GRM7: variants seen among roughly 807,000 people sequenced by gnomAD.
The protein encoded by GRM7 is glutamate metabotropic receptor 7, also known as metabotropic glutamate receptor 7.
GRM7 carries 35 observed loss-of-function variants against 84.5 expected under a neutral mutation model. That is an observed-to-expected ratio of 0.41 (90% CI 0.32 to 0.55). GRM7 has a LOEUF of 0.55. Among genes scored for constraint, GRM7 ranks in the 20% least tolerant of loss-of-function variants. GRM7 has a pLI of 0.19. For missense variants in GRM7, 1,003 were observed against 1,194.6 expected (o/e 0.84, Z 2.36); for synonymous variants, 487 against 455.1 (o/e 1.07, Z -0.89).
intron 8 of GRM7, among the ~76,000 whole-genome samples, chr3:7,661,736 G>T (rs1699454869): frequency 7.5e-6 from 1 of 133,608 alleles, no homozygotes; most frequent in Non-Finnish European, 1.6e-5. Flanking sequence ...AGAGCTGGCA[G>T]TGAGCCGAGA....
chr3:7,180,702 CCT>C (rs1418876398), intron 2 of GRM7, among the ~76,000 whole-genome samples: 1 of 152,104 alleles, frequency 6.6e-6, no homozygotes, highest in Non-Finnish European at 1.5e-5. Context: ...TTACATCTTT[CCT>C]CTCTCTTAAG....
chr3:7,372,361 T>C (rs1281593344), intron 4 of GRM7, among the ~76,000 whole-genome samples: 2 of 152,154 alleles, frequency 1.3e-5, no homozygotes, highest in Non-Finnish European at 2.9e-5. Context: ...TTGTGTACAA[T>C]CTTATAACAC....
chr3:7,379,796 C>G (rs1374333570), intron 4 of GRM7, among the ~76,000 whole-genome samples: 1 of 152,090 alleles, frequency 6.6e-6, no homozygotes, highest in East Asian at 1.9e-4. Context: ...TACATCCTTG[C>G]TTGGCTCCTT....
At chr3:7,022,766 G>T (rs1040469585) in intron 1 of GRM7, among the ~76,000 whole-genome samples, 1 of 152,058 alleles carries the variant, frequency 6.6e-6, no homozygotes, top group African/African-American at 2.4e-5. Flanking sequence ...AACAGGGGTC[G>T]TCTTTGTCCC....
chr3:6,938,648 A>G (rs1244454747), intron 1 of GRM7, among the ~76,000 whole-genome samples: 1 of 152,218 alleles, frequency 6.6e-6, no homozygotes, highest in South Asian at 2.1e-4. Flanking sequence ...GGAGGTGAGG[A>G]GAGGGACGTG....
At chr3:7,441,268 G>T (rs1697275419) in intron 5 of GRM7, among the ~76,000 whole-genome samples, 2 of 151,862 alleles carry the variant, frequency 1.3e-5, no homozygotes, top group East Asian at 1.9e-4. Context: ...CATGTGTTTT[G>T]GTCATGAATA....
At chr3:7,019,932 A>G (rs962522056) in intron 1 of GRM7, among the ~76,000 whole-genome samples, 1 of 152,214 alleles carries the variant, frequency 6.6e-6, no homozygotes, top group African/African-American at 2.4e-5. Context: ...ACCGGAAAAG[A>G]TTTTGTTTCT....
intron 1 of GRM7, among the ~76,000 whole-genome samples, chr3:7,122,699 A>T (rs1294770459): frequency 6.6e-6 from 1 of 152,242 alleles, no homozygotes; most frequent in Non-Finnish European, 1.5e-5. Context: ...TTCAGTGCTA[A>T]CATTTTAAAT....
chr3:7,029,733 A>G (rs1417931343), intron 1 of GRM7, among the ~76,000 whole-genome samples: 1 of 152,196 alleles, frequency 6.6e-6, no homozygotes, highest in East Asian at 1.9e-4. Flanking sequence ...GTTATTTTTA[A>G]TGAGCACAGC....
chr3:7,535,137 A>G (rs957494346), intron 7 of GRM7: 1 of 152,186 alleles, frequency 6.6e-6, no homozygotes, highest in African/African-American at 2.4e-5. Flanking sequence ...TTTCCCAAAT[A>G]TTCTCTGCAT....
At chr3:7,104,079 G>A (rs933471185) in intron 1 of GRM7, among the ~76,000 whole-genome samples, 2 of 151,334 alleles carry the variant, frequency 1.3e-5, no homozygotes, top group African/African-American at 4.9e-5. Context: ...TCTAAATGAG[G>A]TCATGAGGGT....
chr3:6,893,087 A>T (rs1298915070), intron 1 of GRM7: 3 of 152,100 alleles, frequency 2.0e-5, no homozygotes, highest in Non-Finnish European at 4.4e-5. Flanking sequence ...CCATTTTTTA[A>T]TCTCCACTAT....
chr3:6,881,494 T>C (rs978322470), intron 1 of GRM7, among the ~76,000 whole-genome samples: 1 of 152,220 alleles, frequency 6.6e-6, no homozygotes, highest in Non-Finnish European at 1.5e-5. Context: ...GGCTGCATAA[T>C]ATTCCATGGT....
intron 9 of GRM7, among the ~76,000 whole-genome samples, chr3:7,735,233 T>G (rs1040300649): frequency 6.6e-6 from 1 of 152,166 alleles, no homozygotes; most frequent in Admixed American, 6.5e-5. Context: ...AAAGTTAGTT[T>G]GGACAAAGTT....
rs543207253 is a variant in GRM7, at chr3:7,151,640, C to A, written c.736+4972C>A. Reference sequence around the variant, plus strand: ...AAGATAATTCCTAGTACATAGAAAGCAGTCAATCATTATTTCTTAACAGAA... The same window carrying A: ...AAGATAATTCCTAGTACATAGAAAGAAGTCAATCATTATTTCTTAACAGAA... On this transcript the variant is annotated intron_variant, in intron 2 of 9. Coordinates refer to ENST00000357716, the MANE Select transcript of GRM7 (RefSeq NM_000844.4). The surrounding 1 kb of genome is among the most constrained non-coding windows in gnomAD (Gnocchi z 4.5). 1.5e-4 allele frequency among the ~76,000 whole-genome samples: 23 copies of A among 152,092 alleles called. No homozygotes were observed. Among genetic ancestry groups the A allele is most frequent in the Non-Finnish European group, 2.6e-4 (18 of 68,016 alleles).
intron 4 of GRM7, among the ~76,000 whole-genome samples, chr3:7,408,038 C>G (rs1396674883): frequency 6.6e-6 from 1 of 152,112 alleles, no homozygotes; most frequent in Admixed American, 6.6e-5. Context: ...ATATTATCAT[C>G]GTCCCCATTT....
chr3:7,002,319 A>G (rs933722383), intron 1 of GRM7, among the ~76,000 whole-genome samples: 3 of 152,206 alleles, frequency 2.0e-5, no homozygotes, highest in African/African-American at 7.2e-5. Flanking sequence ...TTCCTCTACT[A>G]AAAAACAGGA....
chr3:7,400,956 A>C (rs1320111534), intron 4 of GRM7, among the ~76,000 whole-genome samples: 2 of 152,054 alleles, frequency 1.3e-5, no homozygotes. Context: ...CAGTATAATC[A>C]TTTAAATTTT....
At chr3:7,627,625 T>C (rs1384290592) in intron 8 of GRM7, among the ~76,000 whole-genome samples, 1 of 152,196 alleles carries the variant, frequency 6.6e-6, no homozygotes, top group African/African-American at 2.4e-5. Flanking sequence ...TTCCTTGTTA[T>C]ATTAGTTTGC....
Sources: gnomAD v4.1 joint callset for allele counts (sites outside exome capture counted in the v4.1 genomes callset) on GRCh38, gnomAD v4.1.1 for gene constraint, Gnocchi (gnomAD v3.1) non-coding constraint, MANE v1.5 for transcripts, NCBI Gene and HGNC (gene_info 2026-07-23, HGNC 2026-07-21) for gene names.